STOX1: variants seen among roughly 807,000 people sequenced by gnomAD.
The protein encoded by STOX1 is storkhead box 1.
STOX1 carries 57 observed loss-of-function variants against 74.8 expected under a neutral mutation model. The observed-to-expected ratio is 0.76, with a 90% CI of 0.62 to 0.95. The LOEUF is 0.95. Among genes scored for constraint, STOX1 ranks in the 40% least tolerant of loss-of-function variants. The probability of loss-of-function intolerance (pLI) is 0.00; values close to 1 mark genes in which losing one functional copy is unlikely to be tolerated. For missense variants in STOX1, 1,010 were observed against 1,117.0 expected, an observed-to-expected ratio of 0.90 and a Z score of 1.37; for synonymous variants, 375 against 401.3, an observed-to-expected ratio of 0.93 and a Z score of 0.78.
At chr10:68,860,913 G>T (rs1840251686) in intron 1 of STOX1, among the ~76,000 whole-genome samples, 1 of 151,900 alleles carries the variant, frequency 6.6e-6, no homozygotes. Context: ...GTTGGGAAAA[G>T]AAAAGTCAGG....
In STOX1 at chr10:68,840,674, C is replaced by T. The variant is rs952316929; in HGVS notation, c.310+12741C>T. On this transcript the variant is annotated intron_variant, in intron 1 of 3. Transcript: ENST00000298596. ...CATCCTGCTTCAAGCGATTCTCATG[C>T]TTCAGCCTCCCAAGTAGCTGGGATT... Among the ~76,000 whole-genome samples the T allele has an allele frequency of 1.3e-5, 2 of 152,172 alleles. 1 individual carries two copies. The highest frequency in any genetic ancestry group is 2.9e-5 in the Non-Finnish European group (2 of 68,040).
chr10:68,842,703 C>G lies in STOX1; in HGVS notation c.310+14770C>G, dbSNP rs371523624. On this transcript the variant is annotated intron_variant, in intron 1 of 3. Coordinates refer to ENST00000298596, the MANE Select transcript of STOX1 (RefSeq NM_152709.5). ...CATGGGTACCCGCCACCACACCTGGCTCATTTTTTGTATTTTTAGTAGAGA... is the reference window on the plus strand; with the variant it reads ...CATGGGTACCCGCCACCACACCTGGGTCATTTTTTGTATTTTTAGTAGAGA... Among the ~76,000 whole-genome samples, 23 of 149,294 alleles carry G rather than the reference C, an allele frequency of 1.5e-4. 1 individual carries two copies. The East Asian group carries it at 3.8e-3, about 25-fold the overall frequency.
intron 1 of STOX1, among the ~76,000 whole-genome samples, chr10:68,846,466 T>A (rs1394584165): frequency 1.3e-5 from 2 of 152,138 alleles, no homozygotes; most frequent in African/African-American, 4.8e-5. Context: ...TGATTATTAT[T>A]TTTTGCATAT....
At position 68,884,839 on chromosome 10, in the gene STOX1, A is replaced by G; in HGVS notation, c.1043A>G (p.Asp348Gly). Residue 348 changes from aspartate (D) to glycine (G), a missense_variant, in exon 3 of 4, where the codon GAT becomes GGT. By Grantham distance (94) the Asp-to-Gly change is moderately conservative. Transcript: ENST00000298596. ...GAAGAATGGCCCGTCCGAGATGAAG[A>G]TGACTTGGACAATATCCCTCGAGAT... Reference protein sequence around the residue: ...PPEEWPVRDEDDLDNIPRDVE... With the variant: ...PPEEWPVRDEGDLDNIPRDVE... 1.2e-6 allele frequency: 2 copies of G among 1,614,194 alleles called. No individual in the cohort carries two copies. Among genetic ancestry groups the G allele is most frequent in the African/African-American group, 2.7e-5 (2 of 75,056 alleles).
Position 68,892,583 on chromosome 10 carries a change from C to CT in STOX1, c.2823-3dup, listed in dbSNP as rs752921816. 6.2e-7 allele frequency: 1 copy of CT among 1,612,796 alleles called. No homozygotes were observed. The highest frequency in any genetic ancestry group is 2.2e-5 in the East Asian group (1 of 44,802). On this transcript the variant is annotated splice_polypyrimidine_tract_variant and splice_region_variant and intron_variant, in intron 3 of 3. Coordinates refer to ENST00000298596, the MANE Select transcript of STOX1 (RefSeq NM_152709.5). ...CCAATAATTCTGTTATTTTTAATAT[C>CT]TTTAGGACACAGAGTCTGGGATCTA... is the stretch of plus-strand genomic sequence containing the variant.
chr10:68,886,963 T>G (rs1412092150), intron 3 of STOX1, among the ~76,000 whole-genome samples: 1 of 152,044 alleles, frequency 6.6e-6, no homozygotes, highest in Non-Finnish European at 1.5e-5. Flanking sequence ...TAGCCACAGT[T>G]CTACAGGAAT....
intron 1 of STOX1, among the ~76,000 whole-genome samples, chr10:68,857,408 T>G (rs1840154427): frequency 6.6e-6 from 1 of 152,082 alleles, no homozygotes; most frequent in African/African-American, 2.4e-5. Context: ...CTATTTAACC[T>G]TCTGGAATAT....
chr10:68,872,332 T>C (rs1247956334), intron 1 of STOX1, among the ~76,000 whole-genome samples: 1 of 133,750 alleles, frequency 7.5e-6, no homozygotes, highest in Non-Finnish European at 1.6e-5. Flanking sequence ...TAGTTTTTTC[T>C]TTTTCTTTTC....
chr10:68,883,758 C>CTTTTT (rs71028801), intron 2 of STOX1, among the ~76,000 whole-genome samples: 7 of 85,526 alleles, frequency 8.2e-5, no homozygotes, highest in Non-Finnish European at 1.5e-4. Context: ...GCTTCTTTGG[C>CTTTTT]TTTTTTTTTT....
At chr10:68,888,830 T>TTTTTC (rs1841031334) in intron 3 of STOX1, among the ~76,000 whole-genome samples, 1 of 136,770 alleles carries the variant, frequency 7.3e-6, no homozygotes, top group African/African-American at 2.7e-5. Flanking sequence ...TTTTTTTTTT[T>TTTTTC]TTTTGGAGAG....
chr10:68,882,255 C>A, intron 2 of STOX1, 145 bp downstream of exon 2: 1 of 754,652 alleles, frequency 1.3e-6, no homozygotes. Context: ...CAGAAGAAGT[C>A]CTGCATCAAC....
At chr10:68,878,448 C>A (rs1482428229) in intron 1 of STOX1, among the ~76,000 whole-genome samples, 1 of 152,116 alleles carries the variant, frequency 6.6e-6, no homozygotes, top group Non-Finnish European at 1.5e-5. Context: ...TATCGCCACT[C>A]TTTGAAATGC....
At chr10:68,870,802 G>A (rs1241953209) in intron 1 of STOX1, among the ~76,000 whole-genome samples, 1 of 152,166 alleles carries the variant, frequency 6.6e-6, no homozygotes, top group East Asian at 1.9e-4. Context: ...AATAGTGACT[G>A]CCGTCCTCAG....
At chr10:68,840,430 G>A (rs1415320756) in intron 1 of STOX1, among the ~76,000 whole-genome samples, 1 of 151,928 alleles carries the variant, frequency 6.6e-6, no homozygotes, top group East Asian at 1.9e-4. Context: ...AATTTTTGTG[G>A]GGTTTTTTTG....
chr10:68,885,027 G>C lies in STOX1; in HGVS notation c.1231G>C (p.Gly411Arg). 1.9e-6 allele frequency: 3 copies of C among 1,614,148 alleles called. No individual in the cohort carries two copies. The highest frequency in any genetic ancestry group is 2.5e-6 in the Non-Finnish European group (3 of 1,180,028). Residue 411 changes from glycine to arginine, a missense_variant, in exon 3 of 4, where the codon GGG (glycine) becomes CGG (arginine). By Grantham distance (125) the Gly-to-Arg change is moderately radical. Coordinates refer to ENST00000298596, the MANE Select transcript of STOX1 (RefSeq NM_152709.5). ...CGGGCATAAGTATCCTTCAAAAGAG[G>C]GGGTTAAGAAAAGGCAGGGTCTGTC... ...TIGHKYPSKEGVKKRQGLSAK... is the reference protein window; with the variant it reads ...TIGHKYPSKERVKKRQGLSAK...
chr10:68,854,058 C>T (rs1472988668), intron 1 of STOX1, among the ~76,000 whole-genome samples: 1 of 150,912 alleles, frequency 6.6e-6, no homozygotes, highest in East Asian at 1.9e-4. Context: ...TGCTGTGGCA[C>T]AATATCAGCT....
rs766818368 is a variant in STOX1, at chr10:68,885,890, A to T, written c.2094A>T (p.Gly698=). 17 of 1,614,048 alleles carry T rather than the reference A, an allele frequency of 1.1e-5. No individual in the cohort carries two copies. The East Asian group carries it at 2.0e-4, about 19-fold the overall frequency. ...DKDSEELLRK[G]FVQDAETTSL... is the part of the protein sequence containing the mutation. ...ACTCAGAAGAATTATTGAGAAAAGG[A>T]TTTGTCCAGGATGCAGAGACTACAA... Residue 698 remains glycine, a synonymous_variant, in exon 3 of 4, where the codon GGA becomes GGT. Coordinates refer to ENST00000298596, the MANE Select transcript of STOX1 (RefSeq NM_152709.5).
intron 1 of STOX1, among the ~76,000 whole-genome samples, chr10:68,872,131 C>CT (rs1398166269): frequency 2.6e-5 from 4 of 152,034 alleles, no homozygotes; most frequent in Admixed American, 2.0e-4. Flanking sequence ...GAAAGATGGT[C>CT]TCAGATTTCA....
chr10:68,831,389 G>T (rs1331168034), intron 1 of STOX1, among the ~76,000 whole-genome samples: 5 of 152,110 alleles, frequency 3.3e-5, no homozygotes, highest in Admixed American at 6.6e-5. Flanking sequence ...GTTTCACCAT[G>T]TTGGGCATGC....
Sources: allele counts gnomAD v4.1 joint callset (sites outside exome capture counted in the v4.1 genomes callset), GRCh38; gene constraint gnomAD v4.1.1; transcripts MANE v1.5; gene names NCBI Gene and HGNC (gene_info 2026-07-23, HGNC 2026-07-21).